HADHA: variants seen among roughly 807,000 people sequenced by gnomAD.
HADHA encodes the protein trifunctional enzyme subunit alpha, mitochondrial.
In HADHA, 59 loss-of-function variants were observed where a neutral mutation model predicts 91.3. The ratio of observed to expected loss-of-function variants is 0.65; its 90% CI spans 0.52 to 0.80. The LOEUF (loss-of-function observed/expected upper bound fraction) is 0.80, where lower values mean the gene tolerates loss of function less well. HADHA is among the 30% of genes least tolerant of loss of function. The probability of loss-of-function intolerance (pLI) is 0.00; values close to 1 mark genes in which losing one functional copy is unlikely to be tolerated. For synonymous variants in HADHA, 320 were observed against 338.9 expected (o/e 0.94, Z 0.61); for missense variants, 800 against 927.6 (o/e 0.86, Z 1.79).
At chr2:26,237,315 G>GA (rs1040922871) in intron 3 of HADHA, among the ~76,000 whole-genome samples, 1 of 151,984 alleles carries the variant, frequency 6.6e-6, no homozygotes, top group Non-Finnish European at 1.5e-5. Flanking sequence ...ATAATGTTAA[G>GA]AAAAAAATGA....
rs1235032951 is a variant in HADHA, at chr2:26,244,546, C to T, written c.51G>A (p.Arg17=). 1.9e-6 allele frequency: 3 copies of T among 1,585,754 alleles called. No homozygotes were observed. The highest frequency in any genetic ancestry group is 2.7e-5 in the African/African-American group (2 of 74,432). Residue 17 remains arginine (R), a synonymous_variant, in exon 1 of 20, where the codon AGG becomes AGA. Coordinates refer to ENST00000380649, the MANE Select transcript of HADHA (RefSeq NM_000182.5). The part of the protein sequence containing the change: ...IGILSRFSAF[R]ILRSRGYICR... ...AGGCCTCACCTCGGGAGCGGAGGAT[C>T]CTGAAGGCAGAAAAGCGGCTGAGGA...
intron 1 of HADHA, among the ~76,000 whole-genome samples, chr2:26,241,291 G>A (rs1028585092): frequency 2.6e-5 from 4 of 152,050 alleles, no homozygotes; most frequent in African/African-American, 4.8e-5. Flanking sequence ...TGGGAGAAGC[G>A]ACGAGATTAA....
chr2:26,228,433 G>A (rs1378816966), intron 7 of HADHA, among the ~76,000 whole-genome samples: 7 of 151,928 alleles, frequency 4.6e-5, no homozygotes, highest in South Asian at 2.1e-4. Flanking sequence ...GCCCAGTCAC[G>A]CCCACATAAA....
Position 26,191,353 on chromosome 2 carries a change from A to C in HADHA, c.2189T>G (p.Val730Gly). The change falls in exon 20 of 20, where the codon GTG (valine) becomes GGG (glycine). Residue 730 changes from valine (V) to glycine (G), a missense_variant. By Grantham distance (109) the Val-to-Gly change is moderately radical. Coordinates refer to ENST00000380649, the MANE Select transcript of HADHA (RefSeq NM_000182.5). ...AGCTTCATATTTCTTGAGCCGGTCC[A>C]CTATCTTCTGGGCGCCATACAGATC... ...FVDLYGAQKI[V>G]DRLKKYEAAY... 3 of 1,614,190 alleles carry C rather than the reference A, an allele frequency of 1.9e-6. No individual in the cohort carries two copies. Among genetic ancestry groups the C allele is most frequent in the Non-Finnish European group, 2.5e-6 (3 of 1,180,038 alleles).
intron 7 of HADHA, among the ~76,000 whole-genome samples, chr2:26,218,225 G>A (rs1306486866): frequency 6.6e-5 from 10 of 152,000 alleles, no homozygotes; most frequent in Non-Finnish European, 8.8e-5. Context: ...ATTTGAACCC[G>A]GGAGGTGGAA....
chr2:26,230,314 G>A lies in HADHA; in HGVS notation c.574-20C>T, dbSNP rs1670592285. On this transcript the variant is annotated intron_variant, in intron 6 of 19. Coordinates refer to ENST00000380649, the MANE Select transcript of HADHA (RefSeq NM_000182.5). ...ACCCACCTAACAGGCAAGCAAGGAT[G>A]AGAATATAGGGGGAAAAAAATCAGG... The A allele has an allele frequency of 7.1e-7, 1 of 1,404,956 alleles. No individual in the cohort carries two copies. Among genetic ancestry groups the A allele is most frequent in the East Asian group, 2.3e-5 (1 of 43,870 alleles). 87.0% of individuals were successfully genotyped at this position (1,404,956 alleles called of 1,614,324 possible).
At chr2:26,234,016 G>C (rs1443525182) in intron 5 of HADHA, among the ~76,000 whole-genome samples, 1 of 152,214 alleles carries the variant, frequency 6.6e-6, no homozygotes, top group Non-Finnish European at 1.5e-5. Context: ...AGGAGGCAGA[G>C]GTTGCAGTGA....
intron 3 of HADHA, among the ~76,000 whole-genome samples, chr2:26,237,846 T>C (rs530527086): frequency 1.2e-4 from 18 of 152,326 alleles, no homozygotes; most frequent in Non-Finnish European, 1.0e-4. Context: ...ATGTCCAACC[T>C]AAGAAAATTC....
chr2:26,228,437 A>T (rs1670534971), intron 7 of HADHA, among the ~76,000 whole-genome samples: 1 of 152,076 alleles, frequency 6.6e-6, no homozygotes, highest in Non-Finnish European at 1.5e-5. Flanking sequence ...AGTCACGCCC[A>T]CATAAAGACT....
chr2:26,204,717 C>G (rs1032964752), intron 11 of HADHA, among the ~76,000 whole-genome samples: 1 of 151,960 alleles, frequency 6.6e-6, no homozygotes, highest in Non-Finnish European at 1.5e-5. Flanking sequence ...CTGAGTAGCT[C>G]GGACTAAAGG....
chr2:26,224,858 TGA>T (rs1670450892), intron 7 of HADHA, among the ~76,000 whole-genome samples: 1 of 152,192 alleles, frequency 6.6e-6, no homozygotes. Context: ...ATTTTATAAG[TGA>T]TTAAAGTCCT....
intron 17 of HADHA, 110 bp from the exon 18 acceptor site, chr2:26,192,534 C>G: frequency 1.3e-6 from 1 of 747,846 alleles, no homozygotes; most frequent in Non-Finnish European, 2.4e-6. Context: ...CGCCTGTAAT[C>G]CCAGCACTTT....
chr2:26,216,569 C>G (rs1042517295), intron 7 of HADHA, among the ~76,000 whole-genome samples: 3 of 152,172 alleles, frequency 2.0e-5, no homozygotes, highest in African/African-American at 7.2e-5. Flanking sequence ...GATCTGCCCA[C>G]CTCGGCCTCC....
At position 26,215,085 on chromosome 2, in the gene HADHA, ATCT is replaced by A. The variant is rs1270559590; in HGVS notation, c.764_766del (p.Lys255del). On this transcript the variant is annotated inframe_deletion, in exon 8 of 20. Transcript: ENST00000380649. ...CAATCCCTTGTCTCTCTTTGGAGAG[ATCT>A]TCTTATCAGCTAGTCCTTTGGCAAA... is the stretch of plus-strand genomic sequence containing the variant. The A allele has an allele frequency of 2.5e-6, 4 of 1,609,740 alleles. No individual in the cohort carries two copies. The African/African-American group carries it at 4.0e-5, about 16-fold the overall frequency.
chr2:26,211,955 C>A (rs1382441178), intron 10 of HADHA: 1 of 152,824 alleles, frequency 6.5e-6, no homozygotes, highest in African/African-American at 2.4e-5. Context: ...AAAACCTGCC[C>A]AAGTGCGGAA....
intron 4 of HADHA, chr2:26,235,187 T>C (rs1288029844): frequency 1.3e-5 from 2 of 152,182 alleles, no homozygotes; most frequent in African/African-American, 4.8e-5. Flanking sequence ...TGCATTCCTG[T>C]AGTCCTGGCT....
intron 7 of HADHA, 24 bp from the exon 8 acceptor site, chr2:26,215,199 G>C (rs765334264): frequency 6.2e-7 from 1 of 1,611,072 alleles, no homozygotes; most frequent in Non-Finnish European, 8.5e-7. Context: ...TGCAACACTG[G>C]AATGCAAATC....
intron 10 of HADHA, chr2:26,211,935 T>G (rs1000437896): frequency 2.0e-5 from 3 of 153,002 alleles, no homozygotes; most frequent in African/African-American, 7.2e-5. Flanking sequence ...TGTATTCATT[T>G]TGTCTCAATA....
chr2:26,212,483 T>C (rs777720425), intron 10 of HADHA, 87 bp downstream of exon 10: 6 of 948,686 alleles, frequency 6.3e-6, no homozygotes, highest in Non-Finnish European at 1.0e-5. Context: ...CTTTGGATAT[T>C]TTTTTCCTTT....
Sources: allele counts gnomAD v4.1 joint callset (sites outside exome capture counted in the v4.1 genomes callset), GRCh38; gene constraint gnomAD v4.1.1; transcripts MANE v1.5; gene names NCBI Gene and HGNC (gene_info 2026-07-23, HGNC 2026-07-21).